TMEFF2: variants seen among roughly 807,000 people sequenced by gnomAD.
TMEFF2 encodes the protein transmembrane protein with EGF like and two follistatin like domains 2, also known as tomoregulin-2.
A neutral mutation model predicts 53.8 loss-of-function variants in TMEFF2; 28 were observed. That is an observed-to-expected ratio of 0.52 (90% confidence interval 0.39 to 0.71). The LOEUF (loss-of-function observed/expected upper bound fraction) is 0.71. TMEFF2 is among the 30% of genes least tolerant of loss of function. The pLI, the probability that TMEFF2 is intolerant of heterozygous loss-of-function variation, is 0.00. For synonymous variants in TMEFF2, 162 were observed against 166.3 expected, an observed-to-expected ratio of 0.97 and a Z score of 0.20; for missense variants, 353 against 455.2, an observed-to-expected ratio of 0.78 and a Z score of 2.04.
At chr2:191,964,404 CTTTCT>C (rs1485893856) in intron 7 of TMEFF2, among the ~76,000 whole-genome samples, 1 of 74,508 alleles carries the variant, frequency 1.3e-5, no homozygotes, top group Non-Finnish European at 2.5e-5. Flanking sequence ...CTTTCTCTTT[CTTTCT>C]TTCTTTCTTT....
At chr2:192,128,448 C>A (rs973080026) in intron 4 of TMEFF2, among the ~76,000 whole-genome samples, 3 of 152,104 alleles carry the variant, frequency 2.0e-5, no homozygotes, top group African/African-American at 7.2e-5. Context: ...TTTATAAATT[C>A]TTGCACAGAT....
intron 7 of TMEFF2, among the ~76,000 whole-genome samples, chr2:191,992,053 G>C (rs1686122173): frequency 6.6e-6 from 1 of 152,066 alleles, no homozygotes; most frequent in African/African-American, 2.4e-5. Flanking sequence ...TACTTGCAAT[G>C]AGACACTTTC....
chr2:192,120,698 A>G (rs1689529316), intron 4 of TMEFF2, among the ~76,000 whole-genome samples: 1 of 151,864 alleles, frequency 6.6e-6, no homozygotes, highest in Non-Finnish European at 1.5e-5. Flanking sequence ...AAATGTAGAG[A>G]TCTGTTATAG....
At chr2:192,000,431 A>C (rs76172950) in intron 5 of TMEFF2, among the ~76,000 whole-genome samples, 2 of 152,186 alleles carry the variant, frequency 1.3e-5, no homozygotes, top group African/African-American at 2.4e-5. Flanking sequence ...GGTCCCACTC[A>C]TAGATTTGTT....
chr2:191,956,130 G>T, intron 8 of TMEFF2, 125 bp downstream of exon 8: 2 of 1,002,158 alleles, frequency 2.0e-6, no homozygotes, highest in Non-Finnish European at 2.9e-6. Flanking sequence ...AGGAGGAGCA[G>T]AGAAAAGTTT....
At chr2:192,137,706 T>C (rs1690043282) in intron 4 of TMEFF2, among the ~76,000 whole-genome samples, 1 of 151,590 alleles carries the variant, frequency 6.6e-6, no homozygotes, top group African/African-American at 2.4e-5. Context: ...GATATCTGCA[T>C]ACCTATACAC....
intron 5 of TMEFF2, among the ~76,000 whole-genome samples, chr2:192,001,737 C>G (rs927180498): frequency 2.6e-4 from 35 of 133,866 alleles, no homozygotes; most frequent in African/African-American, 8.6e-4. Flanking sequence ...AAGCTCTCTT[C>G]TCTTGTCTGC....
At chr2:191,992,051 A>G (rs1288783181) in intron 7 of TMEFF2, among the ~76,000 whole-genome samples, 1 of 152,106 alleles carries the variant, frequency 6.6e-6, no homozygotes, top group Non-Finnish European at 1.5e-5. Flanking sequence ...AATACTTGCA[A>G]TGAGACACTT....
chr2:192,148,009 A>G (rs1299577026), intron 4 of TMEFF2, among the ~76,000 whole-genome samples: 1 of 152,078 alleles, frequency 6.6e-6, no homozygotes, highest in Non-Finnish European at 1.5e-5. Context: ...TCAATTAAGG[A>G]AAGTCTGTCT....
chr2:191,951,992 A>AGTGCAGTAT (rs1237933258), intron 9 of TMEFF2, among the ~76,000 whole-genome samples: 7 of 152,136 alleles, frequency 4.6e-5, no homozygotes, highest in Non-Finnish European at 1.0e-4. Context: ...TCCCAGACAC[A>AGTGCAGTAT]GTGCAGTATG....
In TMEFF2 at chr2:191,949,108, A is replaced by C. The variant is rs553851831; in HGVS notation, c.*1203T>G. 2 of 985,258 alleles carry C rather than the reference A, an allele frequency of 2.0e-6. No homozygotes were observed. The highest frequency in any genetic ancestry group is 9.4e-5 in the South Asian group (2 of 21,286). The allele number at this position is 985,258 out of a possible 1,614,324, so 61.0% of individuals were successfully genotyped here. ...GTGTTAGCCATGGAAAGCTTTGCAG[A>C]GCTAAATGATAATAATTGATTTATT... On this transcript the variant is annotated 3_prime_UTR_variant, in exon 10 of 10. Coordinates refer to ENST00000272771, the MANE Select transcript of TMEFF2 (RefSeq NM_016192.4).
chr2:192,130,562 A>C (rs1689795018), intron 4 of TMEFF2, among the ~76,000 whole-genome samples: 1 of 151,964 alleles, frequency 6.6e-6, no homozygotes. Context: ...TGAGCGATTA[A>C]CCCTGTGAAT....
intron 5 of TMEFF2, among the ~76,000 whole-genome samples, chr2:192,052,638 ATTCTTC>A (rs143084526): frequency 7.8e-6 from 1 of 127,660 alleles, no homozygotes; most frequent in Non-Finnish European, 1.7e-5. Flanking sequence ...TTTATAAGCC[ATTCTTC>A]TTCTTTATAA....
chr2:192,135,941 T>A (rs971261316), intron 4 of TMEFF2, among the ~76,000 whole-genome samples: 3 of 146,920 alleles, frequency 2.0e-5, no homozygotes, highest in South Asian at 2.3e-4. Context: ...AACAACCCCC[T>A]TTGACTGTAA....
chr2:192,131,604 A>C (rs924889528), intron 4 of TMEFF2, among the ~76,000 whole-genome samples: 3 of 151,782 alleles, frequency 2.0e-5, no homozygotes, highest in Non-Finnish European at 4.4e-5. Flanking sequence ...CCGTGCCCCA[A>C]CACTTTCTCT....
intron 4 of TMEFF2, among the ~76,000 whole-genome samples, chr2:192,120,181 G>A (rs1689515980): frequency 6.6e-6 from 1 of 152,134 alleles, no homozygotes; most frequent in African/African-American, 2.4e-5. Flanking sequence ...AACAGTAGGA[G>A]CTATTAGGCT....
chr2:192,193,757 TAGATAGAGAGAGAGAGAG>T (rs1429215802), intron 1 of TMEFF2, among the ~76,000 whole-genome samples: 32 of 26,672 alleles, frequency 1.2e-3, no homozygotes, highest in African/African-American at 3.2e-3. Flanking sequence ...GAGAGATAGA[TAGATAGAGAGAGAGAGAG>T]AGAGAGAGAG....
At chr2:192,141,274 G>A (rs927113572) in intron 4 of TMEFF2, among the ~76,000 whole-genome samples, 3 of 152,002 alleles carry the variant, frequency 2.0e-5, no homozygotes, top group Admixed American at 1.3e-4. Flanking sequence ...CCAACATGGT[G>A]TAATCCTGTC....
intron 4 of TMEFF2, among the ~76,000 whole-genome samples, chr2:192,170,615 T>C (rs562620268): frequency 6.6e-6 from 1 of 152,156 alleles, no homozygotes; most frequent in African/African-American, 2.4e-5. Flanking sequence ...AGTTCAACTT[T>C]ATAGGAAATA....
Sources: allele counts gnomAD v4.1 joint callset (sites outside exome capture counted in the v4.1 genomes callset), GRCh38; gene constraint gnomAD v4.1.1; transcripts MANE v1.5; gene names NCBI Gene and HGNC (gene_info 2026-07-23, HGNC 2026-07-21).